Variants in MUC5AC observed in about 807,000 individuals in gnomAD.
MUC5AC encodes the protein mucin 5AC, oligomeric mucus/gel-forming.
Under a neutral mutation model 169.7 loss-of-function variants are expected in MUC5AC, and 158 were observed. That is an observed-to-expected ratio of 0.93 (90% CI 0.82 to 1.06). The LOEUF is 1.06. Among genes scored for constraint, MUC5AC ranks in the 50% least tolerant of loss-of-function variants. The pLI is 0.00. For missense variants in MUC5AC, 4,359 were observed against 3,089.9 expected (o/e 1.41, Z -9.74); for synonymous variants, 1,975 against 1,237.0 (o/e 1.60, Z -12.52).
At position 1,186,245 on chromosome 11, in the gene MUC5AC, C is replaced by T; in HGVS notation, c.8100C>T (p.Pro2700=). 1.4e-6 allele frequency: 1 copy of T among 716,656 alleles called. No individual in the cohort carries two copies. The highest frequency in any genetic ancestry group is 1.4e-5 in the South Asian group (1 of 71,694). The allele number at this position is 716,656 out of a possible 1,614,324, so 44.4% of individuals were successfully genotyped here. A position where few individuals can be genotyped will look rare whatever the true frequency, so the allele number is the denominator to read the frequency against. Residue 2700 remains proline, a synonymous_variant, in exon 31 of 49, where the codon CCC becomes CCT. Transcript: ENST00000621226. ...TSTTSGPGTT[P]SPVPTTSTTS... is the part of the protein sequence containing the mutation. ...CAACCTCTGGTCCTGGAACTACTCCCAGCCCTGTTCCCACCACCAGCACAA... is the reference window on the plus strand; with the variant it reads ...CAACCTCTGGTCCTGGAACTACTCCTAGCCCTGTTCCCACCACCAGCACAA...
In MUC5AC at chr11:1,169,011, C is replaced by T. The variant is rs1270213474; in HGVS notation, c.1855C>T (p.Leu619=). ...IRNSFEDPCS[L]SVENEKYAQH... ...GAACAGCTTCGAGGACCCCTGCTCT[C>T]TGAGCGTGGAGAATGGTACGGGTGT... The change falls in exon 15 of 49, where the codon CTG becomes TTG. Residue 619 remains leucine, a synonymous_variant. Transcript: ENST00000621226. 6.3e-7 allele frequency: 1 copy of T among 1,595,122 alleles called. No homozygotes were observed. Among genetic ancestry groups the T allele is most frequent in the South Asian group, 1.1e-5 (1 of 88,908 alleles).
intron 31 of MUC5AC, 64 bp from the exon 32 acceptor site, chr11:1,192,719 G>T (rs1861154462): frequency 8.6e-6 from 6 of 700,678 alleles, no homozygotes; most frequent in South Asian, 4.6e-5. Flanking sequence ...CTGGCTCTGG[G>T]AGTTTTTTGC....
Position 1,194,671 on chromosome 11 carries a change from G to T in MUC5AC, c.15190+1G>T, listed in dbSNP as rs749214730. ...GCCAACAACACCGAGGGCCAGTGCGGTGAGGCCACAGGGCTCCCGGGCATC... is the reference window on the plus strand; with the variant it reads ...GCCAACAACACCGAGGGCCAGTGCGTTGAGGCCACAGGGCTCCCGGGCATC... On this transcript the variant is annotated splice_donor_variant, in intron 35 of 48. Coordinates refer to ENST00000621226, the MANE Select transcript of MUC5AC (RefSeq NM_001304359.2). LOFTEE classifies it high-confidence loss of function. 1 of 754,746 alleles carries T rather than the reference G, an allele frequency of 1.3e-6. No homozygotes were observed. Among genetic ancestry groups the T allele is most frequent in the Non-Finnish European group, 2.4e-6 (1 of 411,104 alleles). 46.8% of individuals were successfully genotyped at this position (754,746 alleles called of 1,614,324 possible). A position where few individuals can be genotyped will look rare whatever the true frequency, so the allele number is the denominator to read the frequency against.
At position 1,190,011 on chromosome 11, in the gene MUC5AC, C is replaced by T. The variant is rs1337134380; in HGVS notation, c.11866C>T (p.Arg3956Trp). 67 of 765,160 alleles carry T rather than the reference C, an allele frequency of 8.8e-5. No individual in the cohort carries two copies. The highest frequency in any genetic ancestry group is 4.2e-4 in the South Asian group (31 of 74,622). The allele number at this position is 765,160 out of a possible 1,614,324, so 47.4% of individuals were successfully genotyped here. Residue 3956 changes from arginine (R) to tryptophan (W), a missense_variant, in exon 31 of 49, where the codon CGG (arginine) becomes TGG (tryptophan). Physicochemically the swap from Arg to Trp is moderately radical, Grantham distance 101. Coordinates refer to ENST00000621226, the MANE Select transcript of MUC5AC (RefSeq NM_001304359.2). Reference sequence around the variant, plus strand: ...ACCAGTCACCAGAGACTGTCATCCCCGGTGCACCTGGACCAAGTGGTTTGA... The same window carrying T: ...ACCAGTCACCAGAGACTGTCATCCCTGGTGCACCTGGACCAAGTGGTTTGA... ...SQPVTRDCHP[R>W]CTWTKWFDVD...
chr11:1,178,156 C>T (rs1860730324), intron 24 of MUC5AC, among the ~76,000 whole-genome samples: 1 of 152,260 alleles, frequency 6.6e-6, no homozygotes, highest in African/African-American at 2.4e-5. Flanking sequence ...GCGCCGGGGT[C>T]AGGACTTAGG....
chr11:1,200,349 T>A, intron 48 of MUC5AC, 89 bp from the exon 49 acceptor site: 1 of 610,650 alleles, frequency 1.6e-6, no homozygotes, highest in Non-Finnish European at 2.9e-6. Context: ...GGGAACACGA[T>A]GAGGCCGCCC....
Position 1,162,601 on chromosome 11 carries a change from C to T in MUC5AC, c.543C>T (p.Ala181=), listed in dbSNP as rs1315456106. The change falls in exon 5 of 49, where the codon GCC becomes GCT. Residue 181 remains alanine (A), a synonymous_variant. Transcript: ENST00000621226. Reference sequence around the variant, plus strand: ...GCAGCAGCTACACCAAGGTGGAGGCCAGGCTGGGCCTTGTCCTCATGTGGA... The same window carrying T: ...GCAGCAGCTACACCAAGGTGGAGGCTAGGCTGGGCCTTGTCCTCATGTGGA... ...QQSSSYTKVE[A]RLGLVLMWNH... 1.9e-6 allele frequency: 3 copies of T among 1,612,744 alleles called. No homozygotes were observed. The African/African-American group carries it at 4.0e-5, about 21-fold the overall frequency.
rs955825618 is a variant in MUC5AC at position 1,177,569 on chromosome 11, T to C, written c.3023T>C (p.Ile1008Thr). Residue 1008 changes from isoleucine (I) to threonine (T), a missense_variant, in exon 24 of 49, where the codon ATT becomes ACT. Coordinates refer to ENST00000621226, the MANE Select transcript of MUC5AC (RefSeq NM_001304359.2). Reference protein sequence around the residue: ...MGIYLVVDTDIGLVLLWDKKT... With the variant: ...MGIYLVVDTDTGLVLLWDKKT... ...ATCTACCTGGTGGTGGACACCGACA[T>C]TGGCCTGGTGCTGCTGTGGGACAAG... The C allele has an allele frequency of 2.0e-5, 8 of 398,624 alleles. No homozygotes were observed. The Admixed American group carries it at 2.2e-4, about 11-fold the overall frequency. 24.7% of individuals were successfully genotyped at this position (398,624 alleles called of 1,614,324 possible). A position where few individuals can be genotyped will look rare whatever the true frequency, so the allele number is the denominator to read the frequency against.
intron 43 of MUC5AC, 100 bp downstream of exon 43, chr11:1,198,405 GA>G: frequency 1.4e-6 from 1 of 692,124 alleles, no homozygotes; most frequent in Non-Finnish European, 2.7e-6. Context: ...AACTCCGGCC[GA>G]GGCCAGGGAC....
In MUC5AC at chr11:1,189,861, G is replaced by A. The variant is rs1476751887; in HGVS notation, c.11716G>A (p.Ala3906Thr). Residue 3906 changes from alanine (A) to threonine (T), a missense_variant, in exon 31 of 49, where the codon GCT becomes ACT. By Grantham distance (58) the Ala-to-Thr change is moderately conservative (BLOSUM62 0). Coordinates refer to ENST00000621226, the MANE Select transcript of MUC5AC (RefSeq NM_001304359.2). ...SSTPQTSKTSAATSSTTSGSG... is the reference protein window; with the variant it reads ...SSTPQTSKTSTATSSTTSGSG... Reference sequence around the variant, plus strand: ...CACTCCACAGACCAGCAAAACCTCAGCTGCTACAAGCAGCACAACCTCCGG... The same window carrying A: ...CACTCCACAGACCAGCAAAACCTCAACTGCTACAAGCAGCACAACCTCCGG... The A allele has an allele frequency of 1.3e-6, 1 of 763,820 alleles. No homozygotes were observed. Among genetic ancestry groups the A allele is most frequent in the Non-Finnish European group, 2.4e-6 (1 of 417,136 alleles). 47.3% of individuals were successfully genotyped at this position (763,820 alleles called of 1,614,324 possible). A position where few individuals can be genotyped will look rare whatever the true frequency, so the allele number is the denominator to read the frequency against.
Position 1,199,665 on chromosome 11 carries a change from G to A in MUC5AC, c.16516-30G>A, listed in dbSNP as rs761047275. Reference sequence around the variant, plus strand: ...TTCTGTGGGGGCCGCCGAGCGCCTCGGCACTGAGGGCGCCCCTCTGTCGGC... The same window carrying A: ...TTCTGTGGGGGCCGCCGAGCGCCTCAGCACTGAGGGCGCCCCTCTGTCGGC... On this transcript the variant is annotated intron_variant, in intron 46 of 48. Coordinates refer to ENST00000621226, the MANE Select transcript of MUC5AC (RefSeq NM_001304359.2). 4.6e-5 allele frequency: 32 copies of A among 703,278 alleles called. No homozygotes were observed. In the East Asian group the frequency reaches 7.8e-4, roughly 17 times the overall value. The allele number at this position is 703,278 out of a possible 1,614,324, so 43.6% of individuals were successfully genotyped here.
At chr11:1,174,124 A>T (rs1448458925) in intron 16 of MUC5AC, among the ~76,000 whole-genome samples, 1 of 152,182 alleles carries the variant, frequency 6.6e-6, no homozygotes, top group Non-Finnish European at 1.5e-5. Flanking sequence ...CCAGCCCTAC[A>T]CTAGGCCCAG....
rs34815853 is a variant in MUC5AC at position 1,197,927 on chromosome 11, C to A, written c.16058C>A (p.Ala5353Glu). Residue 5353 changes from alanine to glutamate, a missense_variant, in exon 42 of 49, where the codon GCG becomes GAG. Transcript: ENST00000621226. The part of the protein sequence containing the change: ...SCACNTSRCP[A>E]PVGCPEGARA... The stretch of plus-strand genomic sequence containing the variant: ...GCCTGCAACACCAGCCGCTGCCCCG[C>A]GCCCGTGGGCTGTCCTGAGGGCGCC... The A allele has an allele frequency of 0.04, 29,530 of 731,980 alleles. 789 individuals are homozygous for A. The highest frequency in any genetic ancestry group is 0.079 in the Middle Eastern group (239 of 3,008). 45.3% of individuals were successfully genotyped at this position (731,980 alleles called of 1,614,324 possible).
In MUC5AC at chr11:1,162,145, C is replaced by A; in HGVS notation, c.450C>A (p.Gly150=). 4 of 1,612,264 alleles carry A rather than the reference C, an allele frequency of 2.5e-6. No homozygotes were observed. The highest frequency in any genetic ancestry group is 3.4e-6 in the Non-Finnish European group (4 of 1,179,636). Residue 150 remains glycine, a synonymous_variant, in exon 4 of 49, where the codon GGC becomes GGA. Transcript: ENST00000621226. The stretch of plus-strand genomic sequence containing the variant: ...GCGTGGTCATCCAGCTGACCAAGGG[C>A]TCCGTCCTGGTCAACGGCCACCCGT... The part of the protein sequence containing the change: ...VDGVVIQLTK[G]SVLVNGHPVL...
At chr11:1,163,766 C>A in intron 6 of MUC5AC, 116 bp from the exon 7 acceptor site, 1 of 775,224 alleles carries the variant, frequency 1.3e-6, no homozygotes, top group Non-Finnish European at 2.1e-6. Flanking sequence ...GCAGGAGCCA[C>A]CGATGGCCCT....
At position 1,162,386 on chromosome 11, in the gene MUC5AC, C is replaced by T; in HGVS notation, c.474-146C>T. On this transcript the variant is annotated intron_variant, in intron 4 of 48. Coordinates refer to ENST00000621226, the MANE Select transcript of MUC5AC (RefSeq NM_001304359.2). ...TGCCCCTTCCTAGCTCCTCGTGACC[C>T]CCGAGCTCCAGAGGTCAATGTCCCC... is the stretch of plus-strand genomic sequence containing the variant. 3 of 1,026,314 alleles carry T rather than the reference C, an allele frequency of 2.9e-6. No individual in the cohort carries two copies. In the South Asian group the frequency reaches 4.9e-5, roughly 17 times the overall value. 63.6% of individuals were successfully genotyped at this position (1,026,314 alleles called of 1,614,324 possible).
At position 1,192,047 on chromosome 11, in the gene MUC5AC, A is replaced by G. The variant is rs78252457; in HGVS notation, c.13902A>G (p.Thr4634=). 2.6e-6 allele frequency: 2 copies of G among 765,128 alleles called. No homozygotes were observed. The highest frequency in any genetic ancestry group is 4.8e-6 in the Non-Finnish European group (2 of 417,908). The allele number at this position is 765,128 out of a possible 1,614,324, so 47.4% of individuals were successfully genotyped here. The change falls in exon 31 of 49, where the codon ACA becomes ACG. Residue 4634 remains threonine, a synonymous_variant. Transcript: ENST00000621226. ...ACTGTCATCCTCTGTGCGCCTGGACAAAGTGGTTCGACGTGGACTTCCCAT... is the reference window on the plus strand; with the variant it reads ...ACTGTCATCCTCTGTGCGCCTGGACGAAGTGGTTCGACGTGGACTTCCCAT... The part of the protein sequence containing the change: ...TSDCHPLCAW[T]KWFDVDFPSP...
Position 1,189,905 on chromosome 11 carries a change from C to T in MUC5AC, c.11760C>T (p.Ser3920=), listed in dbSNP as rs1299018787. Residue 3920 remains serine (S), a synonymous_variant, in exon 31 of 49, where the codon AGC becomes AGT. Transcript: ENST00000621226. ...STTSGSGTTP[S]PVPTTSTASV... Reference sequence around the variant, plus strand: ...CCTCCGGTTCTGGAACTACTCCCAGCCCCGTTCCCACCACCAGCACAGCCT... The same window carrying T: ...CCTCCGGTTCTGGAACTACTCCCAGTCCCGTTCCCACCACCAGCACAGCCT... The T allele has an allele frequency of 3.9e-6, 3 of 765,008 alleles. No individual in the cohort carries two copies. In the East Asian group the frequency reaches 7.3e-5, roughly 19 times the overall value. The allele number at this position is 765,008 out of a possible 1,614,324, so 47.4% of individuals were successfully genotyped here.
intron 23 of MUC5AC, 54 bp from the exon 24 acceptor site, chr11:1,177,400 G>A (rs1190676359): frequency 2.5e-6 from 1 of 407,188 alleles, no homozygotes; most frequent in African/African-American, 2.0e-5. Context: ...GCAGCGTCTG[G>A]TCAGGTGGGC....
Sources: allele counts gnomAD v4.1 joint callset (sites outside exome capture counted in the v4.1 genomes callset), GRCh38; gene constraint gnomAD v4.1.1; transcripts MANE v1.5; gene names NCBI Gene and HGNC (gene_info 2026-07-23, HGNC 2026-07-21).